Variants in CLIP2 observed in about 807,000 individuals in gnomAD.
CLIP2 encodes CAP-Gly domain-containing linker protein 2.
Under a neutral mutation model 111.7 loss-of-function variants are expected in CLIP2, and 41 were observed. The observed-to-expected ratio is 0.37, with a 90% CI of 0.29 to 0.48. The LOEUF is 0.48. Ranked by LOEUF, CLIP2 falls within the 20% of genes least tolerant of loss-of-function variation. CLIP2 has a pLI of 0.99. For synonymous variants in CLIP2, 660 were observed against 644.2 expected (o/e 1.02, Z -0.37); for missense variants, 1,160 against 1,422.1 (o/e 0.82, Z 2.96).
chr7:74,320,579 A>G (rs1344022194), intron 2 of CLIP2, among the ~76,000 whole-genome samples: 5 of 152,106 alleles, frequency 3.3e-5, no homozygotes, highest in Non-Finnish European at 7.3e-5. Flanking sequence ...TGGAAGAGTG[A>G]TGGGACCTTG....
intron 3 of CLIP2, among the ~76,000 whole-genome samples, chr7:74,344,040 G>A (rs564756137): frequency 2.8e-4 from 43 of 152,234 alleles, no homozygotes; most frequent in Admixed American, 1.2e-3. Context: ...GGGGTGGGAA[G>A]TGGAGGCTCT....
At position 74,368,170 on chromosome 7, in the gene CLIP2, A is replaced by G. The variant is rs187889847; in HGVS notation, c.1380+3855A>G. ...TGAGGCTGCAGTGAGCTGTGATCAC[A>G]CCACTGTACTCCAGCCTGGGCAACA... On this transcript the variant is annotated intron_variant, in intron 8 of 16. Transcript: ENST00000223398. Among the ~76,000 whole-genome samples the G allele has an allele frequency of 3.1e-4, 47 of 151,970 alleles. 1 individual carries two copies. Among genetic ancestry groups the G allele is most frequent in the African/African-American group, 1.1e-3 (44 of 41,484 alleles).
intron 3 of CLIP2, among the ~76,000 whole-genome samples, chr7:74,339,272 G>A (rs964769537): frequency 5.3e-5 from 8 of 150,976 alleles, no homozygotes; most frequent in East Asian, 3.9e-4. Flanking sequence ...CGGTAAAATG[G>A]GATATTTATT....
chr7:74,343,951 T>C (rs892397701), intron 3 of CLIP2, among the ~76,000 whole-genome samples: 1 of 151,868 alleles, frequency 6.6e-6, no homozygotes, highest in African/African-American at 2.4e-5. Flanking sequence ...GGATGAGTCA[T>C]AGTCTGCAAG....
chr7:74,401,895 G>A (rs113098681), intron 16 of CLIP2, among the ~76,000 whole-genome samples: 4,649 of 151,146 alleles, frequency 0.031, 234 homozygotes, highest in African/African-American at 0.1. Flanking sequence ...GTAAAACTCC[G>A]TCTCTACTGA....
intron 3 of CLIP2, among the ~76,000 whole-genome samples, chr7:74,343,924 A>G (rs553593447): frequency 1.3e-4 from 19 of 151,166 alleles, no homozygotes; most frequent in Admixed American, 1.1e-3. Flanking sequence ...AGAGAGAGAG[A>G]GAACTGGTGG....
In CLIP2 at chr7:74,375,971, C is replaced by G; in HGVS notation, c.1570C>G (p.Gln524Glu). The part of the protein sequence containing the change: ...LRRGEIEELQ[Q>E]CLLHSGPPPP... Reference sequence around the variant, plus strand: ...CCGAGGTGAAATCGAGGAGCTCCAGCAGTGCCTGTTGCACTCGGGTCCCCC... The same window carrying G: ...CCGAGGTGAAATCGAGGAGCTCCAGGAGTGCCTGTTGCACTCGGGTCCCCC... Residue 524 changes from glutamine (Q) to glutamate (E), a missense_variant, in exon 10 of 17, where the codon CAG becomes GAG. This residue lies in a region of CLIP2 where 676 missense variants were observed against 777.8 expected (regional missense o/e 0.87). Transcript: ENST00000223398. 1 of 1,609,950 alleles carries G rather than the reference C, an allele frequency of 6.2e-7. No individual in the cohort carries two copies. Among genetic ancestry groups the G allele is most frequent in the Non-Finnish European group, 8.5e-7 (1 of 1,178,816 alleles).
chr7:74,372,922 G>C lies in CLIP2; in HGVS notation c.1381-10G>C, dbSNP rs1022333281. 1.1e-5 allele frequency: 14 copies of C among 1,223,236 alleles called. No homozygotes were observed. The African/African-American group carries it at 2.5e-4, about 22-fold the overall frequency. The allele number at this position is 1,223,236 out of a possible 1,614,324, so 75.8% of individuals were successfully genotyped here. ...CCACCCCCCCACCGTGTCCACCCTG[G>C]GTGGACCAGACCCAGACGCAGCTGG... On this transcript the variant is annotated splice_polypyrimidine_tract_variant and intron_variant, in intron 8 of 16. Transcript: ENST00000223398.
Position 74,338,348 on chromosome 7 carries a change from C to T in CLIP2, c.122-100C>T, listed in dbSNP as rs1789539421. 1 of 1,299,866 alleles carries T rather than the reference C, an allele frequency of 7.7e-7. No homozygotes were observed. The highest frequency in any genetic ancestry group is 1.0e-6 in the Non-Finnish European group (1 of 960,198). 80.5% of individuals were successfully genotyped at this position (1,299,866 alleles called of 1,614,324 possible). Reference sequence around the variant, plus strand: ...GAAACCCCATCTCTACCCAAAAATACAAATCAGCCACCTCCCAACCCTAGA... The same window carrying T: ...GAAACCCCATCTCTACCCAAAAATATAAATCAGCCACCTCCCAACCCTAGA... On this transcript the variant is annotated intron_variant, in intron 2 of 16. Coordinates refer to ENST00000223398, the MANE Select transcript of CLIP2 (RefSeq NM_003388.5). The surrounding 1 kb of genome is among the most constrained non-coding windows in gnomAD (Gnocchi z 4.3).
intron 1 of CLIP2, among the ~76,000 whole-genome samples, chr7:74,308,553 G>A (rs1554728050): frequency 6.6e-6 from 1 of 152,118 alleles, no homozygotes; most frequent in Non-Finnish European, 1.5e-5. Context: ...TGCCCAGGCT[G>A]GAGCATGGTG....
chr7:74,301,507 C>T (rs1410328009), intron 1 of CLIP2, among the ~76,000 whole-genome samples: 3 of 150,856 alleles, frequency 2.0e-5, no homozygotes, highest in Non-Finnish European at 4.4e-5. Flanking sequence ...CTCAGCCTCC[C>T]GAGTAGCTGG....
At position 74,354,078 on chromosome 7, in the gene CLIP2, G is replaced by A. The variant is rs1397342059; in HGVS notation, c.803+74G>A. On this transcript the variant is annotated intron_variant, in intron 4 of 16. Transcript: ENST00000223398. ...GGGTGGGCGCAGGGGATGGAGATGG[G>A]ACATTGGAGGAAGCGAGTGTCCAGC... The A allele has an allele frequency of 1.1e-5, 17 of 1,504,968 alleles. No homozygotes were observed. The African/African-American group carries it at 2.2e-4, about 20-fold the overall frequency. The allele number at this position is 1,504,968 out of a possible 1,614,324, so 93.2% of individuals were successfully genotyped here.
chr7:74,372,302 C>G (rs1043543152), intron 8 of CLIP2, among the ~76,000 whole-genome samples: 10 of 150,990 alleles, frequency 6.6e-5, no homozygotes, highest in African/African-American at 2.4e-4. Context: ...CACAGCCCGG[C>G]CTCCACCAAG....
In CLIP2 at chr7:74,401,416, G is replaced by T. The variant is rs372125313; in HGVS notation, c.3067-89G>T. ...GGGGTTGGAATTTGGAGCCTGAGAC[G>T]GTCCCATGGGAAGACCTCGCCATCT... On this transcript the variant is annotated intron_variant, in intron 15 of 16. Coordinates refer to ENST00000223398, the MANE Select transcript of CLIP2 (RefSeq NM_003388.5). 6.3e-6 allele frequency: 8 copies of T among 1,278,416 alleles called. No homozygotes were observed. The African/African-American group carries it at 8.8e-5, about 14-fold the overall frequency. 79.2% of individuals were successfully genotyped at this position (1,278,416 alleles called of 1,614,324 possible).
rs1554732426 is a variant in CLIP2 at position 74,338,003 on chromosome 7, C to T, written c.122-445C>T. 6.6e-6 allele frequency among the ~76,000 whole-genome samples: 1 copy of T among 152,072 alleles called. No homozygotes were observed. The highest frequency in any genetic ancestry group is 2.4e-5 in the African/African-American group (1 of 41,410). On this transcript the variant is annotated intron_variant, in intron 2 of 16. Coordinates refer to ENST00000223398, the MANE Select transcript of CLIP2 (RefSeq NM_003388.5). The surrounding 1 kb of genome is among the most constrained non-coding windows in gnomAD (Gnocchi z 4.3). ...GCCCAAGACCACACAGCCAACCATTCCTGCCTCGGTTTCCATGGCAAGACC... is the reference window on the plus strand; with the variant it reads ...GCCCAAGACCACACAGCCAACCATTTCTGCCTCGGTTTCCATGGCAAGACC...
chr7:74,399,975 A>G (rs950874715), intron 14 of CLIP2, among the ~76,000 whole-genome samples: 5 of 151,612 alleles, frequency 3.3e-5, no homozygotes, highest in Non-Finnish European at 2.9e-5. Context: ...TAACACGGTG[A>G]AACCACGTCT....
intron 11 of CLIP2, 78 bp from the exon 12 acceptor site, chr7:74,386,443 G>A (rs1791102206): frequency 1.7e-6 from 2 of 1,169,892 alleles, no homozygotes; most frequent in Non-Finnish European, 2.5e-6. Context: ...CAGAGCTCCT[G>A]TGGGAGGGCC....
At chr7:74,397,317 G>A (rs557540630) in intron 14 of CLIP2, 84 bp downstream of exon 14, 1 of 1,404,734 alleles carries the variant, frequency 7.1e-7, no homozygotes, top group East Asian at 2.3e-5. Flanking sequence ...CATGGAGACT[G>A]GAGACCTCCT....
At chr7:74,340,342 G>A (rs1442326102) in intron 3 of CLIP2, among the ~76,000 whole-genome samples, 1 of 152,098 alleles carries the variant, frequency 6.6e-6, no homozygotes, top group Non-Finnish European at 1.5e-5. Context: ...GTTTCAGTGA[G>A]CCGAGATCAT....
Sources: gnomAD v4.1 joint callset for allele counts (sites outside exome capture counted in the v4.1 genomes callset) on GRCh38, gnomAD v4.1.1 for gene constraint, gnomAD v4.1.1 regional missense constraint, Gnocchi (gnomAD v3.1) non-coding constraint, MANE v1.5 for transcripts, NCBI Gene and HGNC (gene_info 2026-07-23, HGNC 2026-07-21) for gene names.